DMRT1: variants seen among roughly 807,000 people sequenced by gnomAD.
The protein encoded by DMRT1 is doublesex and mab-3 related transcription factor 1, also known as doublesex- and mab-3-related transcription factor 1.
Under a neutral mutation model 32.3 loss-of-function variants are expected in DMRT1, and 7 were observed. The ratio of observed to expected loss-of-function variants is 0.22; its 90% CI spans 0.12 to 0.41. DMRT1 has a LOEUF of 0.41. DMRT1 is among the 10% of genes least tolerant of loss of function. The pLI is 1.00. For missense variants in DMRT1, 625 were observed against 500.5 expected, an observed-to-expected ratio of 1.25 and a Z score of -2.37; for synonymous variants, 278 against 206.1, an observed-to-expected ratio of 1.35 and a Z score of -2.99.
intron 4 of DMRT1, among the ~76,000 whole-genome samples, chr9:967,028 T>A (rs1277541889): frequency 6.6e-6 from 1 of 152,212 alleles, no homozygotes; most frequent in Non-Finnish European, 1.5e-5. Flanking sequence ...AACATTAGTA[T>A]TAACGATTGG....
intron 2 of DMRT1, among the ~76,000 whole-genome samples, chr9:861,943 G>A (rs1484911988): frequency 6.7e-6 from 1 of 149,940 alleles, no homozygotes; most frequent in Non-Finnish European, 1.5e-5. Context: ...CCCAGATGAT[G>A]GGCGGGCGGG....
At position 914,454 on chromosome 9, in the gene DMRT1, G is replaced by T. The variant is rs192637141; in HGVS notation, c.823-2309G>T. ...CCAGGCATGGTGGCGGGCGCCTGTA[G>T]TCCCAGCTACTCGGGAGGCTGAGGC... On this transcript the variant is annotated intron_variant, in intron 3 of 4. Coordinates refer to ENST00000382276, the MANE Select transcript of DMRT1 (RefSeq NM_021951.3). Among the ~76,000 whole-genome samples the T allele has an allele frequency of 5.4e-3, 817 of 150,834 alleles. 9 individuals are homozygous for T. The highest frequency in any genetic ancestry group is 0.019 in the African/African-American group (793 of 41,148).
chr9:878,200 G>GACCC (rs149257815), intron 2 of DMRT1, among the ~76,000 whole-genome samples: 2 of 94,036 alleles, frequency 2.1e-5, no homozygotes, highest in Non-Finnish European at 4.1e-5. Context: ...TGCAGCTGCT[G>GACCC]CCCCCCCCCC....
chr9:885,514 T>A (rs1816892508), intron 2 of DMRT1, among the ~76,000 whole-genome samples: 1 of 152,214 alleles, frequency 6.6e-6, no homozygotes. Flanking sequence ...GCTGGTCAAA[T>A]GGCCTAGGCC....
chr9:897,796 T>G (rs1166737733), intron 3 of DMRT1, among the ~76,000 whole-genome samples: 1 of 151,998 alleles, frequency 6.6e-6, no homozygotes, highest in Non-Finnish European at 1.5e-5. Flanking sequence ...CTACCTCAGA[T>G]CCCCTTTGTA....
intron 2 of DMRT1, among the ~76,000 whole-genome samples, chr9:871,118 C>A (rs1816228887): frequency 1.3e-5 from 2 of 152,116 alleles, no homozygotes; most frequent in East Asian, 1.9e-4. Context: ...CACATTGCAA[C>A]CTTCGCCTTC....
intron 2 of DMRT1, among the ~76,000 whole-genome samples, chr9:890,083 G>GTT (rs1817080606): frequency 9.2e-6 from 1 of 108,884 alleles, no homozygotes; most frequent in African/African-American, 3.2e-5. Context: ...GCCACCAAAC[G>GTT]TGTTTTTTTT....
In DMRT1 at chr9:957,948, G is replaced by A. The variant is rs1365879897; in HGVS notation, c.968-10037G>A. On this transcript the variant is annotated intron_variant, in intron 4 of 4. Transcript: ENST00000382276. The stretch of plus-strand genomic sequence containing the variant: ...TCACCTGAACCCGCAGGCGGAGGTT[G>A]CCCCGATTGGAGATTGTGCCACTGC... 2.6e-5 allele frequency among the ~76,000 whole-genome samples: 4 copies of A among 152,196 alleles called. No homozygotes were observed. The East Asian group carries it at 7.7e-4, about 29-fold the overall frequency.
chr9:919,692 A>T (rs1467355611), intron 4 of DMRT1, among the ~76,000 whole-genome samples: 1 of 152,120 alleles, frequency 6.6e-6, no homozygotes, highest in Non-Finnish European at 1.5e-5. Flanking sequence ...GATCACCCTG[A>T]TGACTGTTTT....
intron 4 of DMRT1, among the ~76,000 whole-genome samples, chr9:964,469 AAC>A (rs1395660071): frequency 6.6e-6 from 1 of 152,130 alleles, no homozygotes; most frequent in Non-Finnish European, 1.5e-5. Context: ...CTTTCATTGT[AAC>A]ACAAAAAAAT....
intron 4 of DMRT1, among the ~76,000 whole-genome samples, chr9:946,506 A>G (rs1819251237): frequency 6.6e-6 from 1 of 152,172 alleles, no homozygotes; most frequent in African/African-American, 2.4e-5. Context: ...AGAAAAGTAC[A>G]AGAGTGGGTC....
intron 2 of DMRT1, among the ~76,000 whole-genome samples, chr9:850,263 G>T (rs895959664): frequency 1.3e-5 from 2 of 152,190 alleles, no homozygotes; most frequent in African/African-American, 4.8e-5. Flanking sequence ...GGGAAATTCA[G>T]ATGCCAGCAG....
chr9:873,477 T>C (rs1030243468), intron 2 of DMRT1, among the ~76,000 whole-genome samples: 4 of 151,986 alleles, frequency 2.6e-5, no homozygotes, highest in African/African-American at 9.7e-5. Context: ...AGCTAATTTT[T>C]TGTATTTTCT....
At chr9:927,319 C>T (rs2129835241) in intron 4 of DMRT1, among the ~76,000 whole-genome samples, 1 of 152,350 alleles carries the variant, frequency 6.6e-6, no homozygotes, top group South Asian at 2.1e-4. Flanking sequence ...CACCATTCAT[C>T]ATCCAGGTGC....
chr9:955,414 C>CA (rs1371680661), intron 4 of DMRT1, among the ~76,000 whole-genome samples: 3 of 152,216 alleles, frequency 2.0e-5, no homozygotes, highest in Admixed American at 1.3e-4. Context: ...ATAAAAGAGG[C>CA]AAAAAACTTG....
intron 4 of DMRT1, among the ~76,000 whole-genome samples, chr9:917,775 C>G (rs951509482): frequency 6.6e-6 from 1 of 152,124 alleles, no homozygotes; most frequent in African/African-American, 2.4e-5. Flanking sequence ...AAATTCAGAA[C>G]CAGAAAGTCT....
chr9:843,390 A>G (rs527668476), intron 1 of DMRT1, among the ~76,000 whole-genome samples: 1 of 152,354 alleles, frequency 6.6e-6, no homozygotes, highest in Non-Finnish European at 1.5e-5. Context: ...GAGCTCTGGA[A>G]ATTTTATTAG....
chr9:879,027 G>C (rs1250184384), intron 2 of DMRT1, among the ~76,000 whole-genome samples: 1 of 152,128 alleles, frequency 6.6e-6, no homozygotes, highest in East Asian at 1.9e-4. Context: ...AAATATTTCA[G>C]ACATAAGGAT....
chr9:883,099 T>C (rs1466601964), intron 2 of DMRT1, among the ~76,000 whole-genome samples: 1 of 151,826 alleles, frequency 6.6e-6, no homozygotes, highest in East Asian at 2.0e-4. Flanking sequence ...CTTTCACTCT[T>C]TCCAGATTCC....
Sources: gnomAD v4.1 joint callset for allele counts (sites outside exome capture counted in the v4.1 genomes callset) on GRCh38, gnomAD v4.1.1 for gene constraint, MANE v1.5 for transcripts, NCBI Gene and HGNC (gene_info 2026-07-23, HGNC 2026-07-21) for gene names.